The following SHANK2 variants were observed in gnomAD, a reference collection of about 807,000 sequenced individuals.
SHANK2 encodes SH3 and multiple ankyrin repeat domains 2.
SHANK2 carries 43 observed loss-of-function variants against 133.7 expected under a neutral mutation model. The observed-to-expected ratio is 0.32, with a 90% CI of 0.25 to 0.41. SHANK2 has a LOEUF of 0.41. Among genes scored for constraint, SHANK2 ranks in the 10% least tolerant of loss-of-function variants. The probability of loss-of-function intolerance (pLI) is 1.00; values close to 1 mark genes in which losing one functional copy is unlikely to be tolerated. For missense variants in SHANK2, 1,994 were observed against 2,235.8 expected (o/e 0.89, Z 2.18); for synonymous variants, 1,017 against 952.8 (o/e 1.07, Z -1.24).
intron 3 of SHANK2, among the ~76,000 whole-genome samples, chr11:71,138,760 C>CA (rs1555105221): frequency 1.4e-5 from 2 of 142,596 alleles, no homozygotes. Context: ...CACTGAACTC[C>CA]AGCCTGAGTG....
intron 14 of SHANK2, among the ~76,000 whole-genome samples, chr11:70,784,361 T>G (rs1947597521): frequency 7.2e-6 from 1 of 138,994 alleles, no homozygotes; most frequent in Non-Finnish European, 1.6e-5. Context: ...TTTTTTTTTT[T>G]TTTTTTTTTT....
intron 17 of SHANK2, among the ~76,000 whole-genome samples, chr11:70,657,178 T>C (rs1444566821): frequency 6.6e-6 from 1 of 152,198 alleles, no homozygotes; most frequent in Admixed American, 6.5e-5. Flanking sequence ...TGCCAAGGGC[T>C]GCTTGGGGTA....
At chr11:70,687,863 C>T (rs557179591) in intron 15 of SHANK2, among the ~76,000 whole-genome samples, 3 of 152,284 alleles carry the variant, frequency 2.0e-5, no homozygotes, top group South Asian at 2.1e-4. Context: ...CCAGGCCCTC[C>T]TCTGCTGCTG....
intron 10 of SHANK2, among the ~76,000 whole-genome samples, chr11:70,926,252 C>G (rs1950425911): frequency 6.6e-6 from 1 of 151,840 alleles, no homozygotes; most frequent in African/African-American, 2.4e-5. Context: ...TACAAAATAC[C>G]AAACAAAAAT....
At chr11:70,822,410 T>C (rs1948542771) in intron 11 of SHANK2, among the ~76,000 whole-genome samples, 1 of 152,264 alleles carries the variant, frequency 6.6e-6, no homozygotes, top group South Asian at 2.1e-4. Context: ...CTTGGGGACA[T>C]GGATGGTGCT....
chr11:70,585,020 G>T (rs577725851), intron 17 of SHANK2, among the ~76,000 whole-genome samples: 2 of 152,232 alleles, frequency 1.3e-5, no homozygotes, highest in Admixed American at 6.5e-5. Context: ...CCTGAGCTCC[G>T]TGGCTACCAC....
At chr11:70,670,252 G>A (rs1555015731) in intron 15 of SHANK2, among the ~76,000 whole-genome samples, 1 of 152,228 alleles carries the variant, frequency 6.6e-6, no homozygotes, top group Admixed American at 6.5e-5. Context: ...GCCTGGTGAA[G>A]GCAGGAACTG....
At chr11:70,895,978 T>C (rs1949927815) in intron 11 of SHANK2, among the ~76,000 whole-genome samples, 1 of 152,088 alleles carries the variant, frequency 6.6e-6, no homozygotes, top group Non-Finnish European at 1.5e-5. Flanking sequence ...GTGGGCCATT[T>C]GTTACAACTG....
chr11:71,252,107 G>A lies in SHANK2; in HGVS notation c.-113+318C>T, dbSNP rs1239357525. On this transcript the variant is annotated intron_variant, in intron 1 of 25. Coordinates refer to ENST00000601538, the MANE Select transcript of SHANK2 (RefSeq NM_012309.5). The surrounding 1 kb of genome is among the most constrained non-coding windows in gnomAD (Gnocchi z 6.3). ...GAGACTACGTGGTCCATGCGCGCAG[G>A]AGATAAAGCGGGGGCTCCTTCCTGC... 6.6e-6 allele frequency among the ~76,000 whole-genome samples: 1 copy of A among 152,178 alleles called. No homozygotes were observed.
At chr11:70,506,389 C>T (rs782264542) in intron 17 of SHANK2, among the ~76,000 whole-genome samples, 4 of 152,232 alleles carry the variant, frequency 2.6e-5, no homozygotes, top group Non-Finnish European at 5.9e-5. Context: ...CGTAGACCTG[C>T]TGCCCTCAGC....
chr11:70,755,947 C>T (rs1427661116), intron 14 of SHANK2, among the ~76,000 whole-genome samples: 1 of 152,196 alleles, frequency 6.6e-6, no homozygotes, highest in East Asian at 1.9e-4. Context: ...GCCCTCCCAG[C>T]TGTGCCTGTG....
intron 8 of SHANK2, among the ~76,000 whole-genome samples, chr11:71,078,729 T>C (rs966735453): frequency 4.4e-4 from 67 of 152,330 alleles, no homozygotes; most frequent in African/African-American, 1.6e-3. Context: ...TCCCTGGCAA[T>C]GGCCTGACGA....
At position 70,500,064 on chromosome 11, in the gene SHANK2, C is replaced by T. The variant is rs1471808824; in HGVS notation, c.2308+506G>A. 6.6e-6 allele frequency among the ~76,000 whole-genome samples: 1 copy of T among 152,192 alleles called. No homozygotes were observed. The highest frequency in any genetic ancestry group is 2.4e-5 in the African/African-American group (1 of 41,454). ...GCCCACAGCCACAGTGACTGCCAGT[C>T]TCCCACTCCACACCAGCCCTGGGTG... On this transcript the variant is annotated intron_variant, in intron 21 of 25. Coordinates refer to ENST00000601538, the MANE Select transcript of SHANK2 (RefSeq NM_012309.5). The surrounding 1 kb of genome is among the most constrained non-coding windows in gnomAD (Gnocchi z 4.5).
chr11:70,949,981 C>A, intron 10 of SHANK2: 1 of 447,316 alleles, frequency 2.2e-6, no homozygotes, highest in South Asian at 1.6e-5. Context: ...AGGTGCGGTG[C>A]CTGGGGAGGG....
intron 14 of SHANK2, among the ~76,000 whole-genome samples, chr11:70,741,401 C>T (rs144799426): frequency 8.5e-5 from 13 of 152,236 alleles, no homozygotes; most frequent in Admixed American, 4.6e-4. Context: ...TACATTCATT[C>T]GCTGTTCACT....
rs782445450 is a variant in SHANK2, at chr11:70,485,289, G to C, written c.4979+25C>G. 2.3e-5 allele frequency: 36 copies of C among 1,591,436 alleles called. No homozygotes were observed. In the Admixed American group the frequency reaches 5.3e-4, roughly 24 times the overall value. On this transcript the variant is annotated intron_variant, in intron 25 of 25. Transcript: ENST00000601538. This position sits in a 1 kb window ranked among gnomAD's most constrained non-coding sequence, Gnocchi z 5.8. ...AGGGACAGTGCACGCAGAGCGGTGT[G>C]CATGTGCACCAACCGCGGACTTACC... is the stretch of plus-strand genomic sequence containing the variant.
chr11:70,762,802 C>T (rs913425239), intron 14 of SHANK2, among the ~76,000 whole-genome samples: 17 of 152,218 alleles, frequency 1.1e-4, no homozygotes, highest in South Asian at 6.2e-4. Context: ...CCCTCTACAG[C>T]GGCCACCTGA....
At chr11:70,925,229 T>C (rs1379711865) in intron 10 of SHANK2, among the ~76,000 whole-genome samples, 1 of 152,206 alleles carries the variant, frequency 6.6e-6, no homozygotes, top group Non-Finnish European at 1.5e-5. Context: ...ATATGCCCTA[T>C]TTCATCAGCA....
At chr11:70,510,770 G>A (rs1158744638) in intron 17 of SHANK2, among the ~76,000 whole-genome samples, 1 of 152,188 alleles carries the variant, frequency 6.6e-6, no homozygotes, top group Non-Finnish European at 1.5e-5. Context: ...GTCCTCCCTA[G>A]GCTGGGCACA....
Sources: allele counts gnomAD v4.1 joint callset (sites outside exome capture counted in the v4.1 genomes callset), GRCh38; gene constraint gnomAD v4.1.1; non-coding constraint Gnocchi (gnomAD v3.1); transcripts MANE v1.5; gene names NCBI Gene and HGNC (gene_info 2026-07-23, HGNC 2026-07-21).